Variants in ATXN7L1 observed in about 807,000 individuals in gnomAD.
The protein encoded by ATXN7L1 is ataxin 7 like 1, also known as ataxin-7-like protein 1.
Under a neutral mutation model 70.8 loss-of-function variants are expected in ATXN7L1, and 15 were observed. The ratio of observed to expected loss-of-function variants is 0.21; its 90% CI spans 0.14 to 0.33. ATXN7L1 has a LOEUF of 0.33. ATXN7L1 is among the 10% of genes least tolerant of loss of function. ATXN7L1 has a pLI of 1.00. For missense variants in ATXN7L1, 975 were observed against 1,097.1 expected (o/e 0.89, Z 1.57); for synonymous variants, 440 against 445.1 (o/e 0.99, Z 0.14).
At chr7:105,731,966 G>A (rs183611262) in intron 3 of ATXN7L1, among the ~76,000 whole-genome samples, 5 of 151,762 alleles carry the variant, frequency 3.3e-5, no homozygotes, top group Non-Finnish European at 5.9e-5. Context: ...GGTAGCGGGC[G>A]CCTGTAATCC....
intron 2 of ATXN7L1, among the ~76,000 whole-genome samples, chr7:105,825,393 T>C (rs557058263): frequency 8.6e-5 from 13 of 151,556 alleles, no homozygotes; most frequent in Non-Finnish European, 1.2e-4. Flanking sequence ...CTCCAGAAAA[T>C]ACAGGGGAAT....
At chr7:105,647,411 G>A (rs1381360421) in intron 4 of ATXN7L1, among the ~76,000 whole-genome samples, 1 of 152,222 alleles carries the variant, frequency 6.6e-6, no homozygotes, top group Non-Finnish European at 1.5e-5. Flanking sequence ...ACTTTGGGAG[G>A]CTGAGGCGAG....
chr7:105,692,407 T>TTCCTTCCTTCCTTCCCTCCCTCCC (rs761431797), intron 3 of ATXN7L1, among the ~76,000 whole-genome samples: 5 of 82,258 alleles, frequency 6.1e-5, no homozygotes, highest in African/African-American at 2.2e-4. Context: ...CCTTCCTTCC[T>TTCCTTCCTTCCTTCCCTCCCTCCC]TCCTTCCTTC....
intron 3 of ATXN7L1, among the ~76,000 whole-genome samples, chr7:105,753,950 G>A (rs1799485871): frequency 6.6e-6 from 1 of 151,796 alleles, no homozygotes; most frequent in African/African-American, 2.4e-5. Flanking sequence ...CCAAAGTTCT[G>A]AGATCTAGTT....
chr7:105,820,043 T>G, intron 2 of ATXN7L1: 1 of 403,472 alleles, frequency 2.5e-6, no homozygotes, highest in East Asian at 6.4e-5. Flanking sequence ...GAAAAGAACG[T>G]GGAGAAGAAA....
chr7:105,614,554 T>C lies in ATXN7L1; in HGVS notation c.1780A>G (p.Met594Val), dbSNP rs771663005. The change falls in exon 10 of 12, where the codon ATG becomes GTG. Residue 594 changes from methionine (M) to valine (V), a missense_variant. Transcript: ENST00000419735. The surrounding 1 kb of genome is among the most constrained non-coding windows in gnomAD (Gnocchi z 4.3). The stretch of plus-strand genomic sequence containing the variant: ...GATGGGGCCTTGAAGGTTGAGTCCA[T>C]GATGCTGAGGGTTGCGGCCACATGA... ...FPHVAATLSIMDSTFKAPSAV... is the reference protein window; with the variant it reads ...FPHVAATLSIVDSTFKAPSAV... The C allele has an allele frequency of 6.5e-6, 10 of 1,546,434 alleles. No individual in the cohort carries two copies. Among genetic ancestry groups the C allele is most frequent in the Non-Finnish European group, 6.1e-6 (7 of 1,143,488 alleles).
At chr7:105,818,776 T>C (rs904890752) in intron 2 of ATXN7L1, among the ~76,000 whole-genome samples, 1 of 152,130 alleles carries the variant, frequency 6.6e-6, no homozygotes, top group Non-Finnish European at 1.5e-5. Flanking sequence ...GGGGAAATCC[T>C]TTACCGAAAA....
chr7:105,824,540 G>GATAAAAAT (rs1449565535), intron 2 of ATXN7L1, among the ~76,000 whole-genome samples: 1 of 151,808 alleles, frequency 6.6e-6, no homozygotes, highest in Non-Finnish European at 1.5e-5. Context: ...AAATATGATA[G>GATAAAAAT]GTGACATAAA....
At position 105,614,459 on chromosome 7, in the gene ATXN7L1, T is replaced by C; in HGVS notation, c.1875A>G (p.Lys625=). 6.5e-7 allele frequency: 1 copy of C among 1,539,022 alleles called. No homozygotes were observed. Residue 625 remains lysine, a synonymous_variant, in exon 10 of 12, where the codon AAA becomes AAG. Coordinates refer to ENST00000419735, the MANE Select transcript of ATXN7L1 (RefSeq NM_020725.2). This position sits in a 1 kb window ranked among gnomAD's most constrained non-coding sequence, Gnocchi z 4.3. ...TGGACAGGTCTTTGACTTTTGAGGATTTGCTGGTTTTGGTTTTGGATGGCT... is the reference window on the plus strand; with the variant it reads ...TGGACAGGTCTTTGACTTTTGAGGACTTGCTGGTTTTGGTTTTGGATGGCT... ...SHKPSKTKTS[K]SSKVKDLSTR...
At chr7:105,803,733 G>C (rs1807158505) in intron 2 of ATXN7L1, among the ~76,000 whole-genome samples, 1 of 152,166 alleles carries the variant, frequency 6.6e-6, no homozygotes, top group African/African-American at 2.4e-5. Flanking sequence ...AGGTAACTTT[G>C]ATGTAGCTGT....
intron 3 of ATXN7L1, among the ~76,000 whole-genome samples, chr7:105,772,495 G>A (rs1263340950): frequency 6.6e-6 from 1 of 152,142 alleles, no homozygotes; most frequent in East Asian, 1.9e-4. Context: ...AATACATATT[G>A]ACCCAAAGAA....
intron 2 of ATXN7L1, among the ~76,000 whole-genome samples, chr7:105,840,453 G>C (rs1336972877): frequency 1.3e-5 from 2 of 152,166 alleles, no homozygotes; most frequent in East Asian, 1.9e-4. Flanking sequence ...GGGCCAAAAA[G>C]CCTGGCGCCT....
intron 8 of ATXN7L1, 134 bp from the exon 9 acceptor site, chr7:105,620,455 A>C: frequency 2.2e-6 from 2 of 901,884 alleles, no homozygotes; most frequent in Non-Finnish European, 3.2e-6. Flanking sequence ...TACTGAAGCC[A>C]AAAATACTTC....
intron 3 of ATXN7L1, among the ~76,000 whole-genome samples, chr7:105,667,837 G>A (rs376833857): frequency 3.9e-5 from 6 of 151,938 alleles, no homozygotes; most frequent in African/African-American, 1.5e-4. Context: ...CAAGTCTATC[G>A]ACTTTCTGCC....
At chr7:105,712,028 T>G (rs1038670505) in intron 3 of ATXN7L1, among the ~76,000 whole-genome samples, 1 of 152,366 alleles carries the variant, frequency 6.6e-6, no homozygotes, top group Non-Finnish European at 1.5e-5. Flanking sequence ...CCCAACGTCA[T>G]GTGGAAGCTG....
chr7:105,726,505 C>T (rs1229229236), intron 3 of ATXN7L1, among the ~76,000 whole-genome samples: 4 of 152,264 alleles, frequency 2.6e-5, no homozygotes, highest in South Asian at 2.1e-4. Context: ...AGGAAAGCAG[C>T]GCTGTCACCT....
intron 3 of ATXN7L1, among the ~76,000 whole-genome samples, chr7:105,727,794 A>C (rs1249925275): frequency 7.9e-6 from 1 of 127,192 alleles, no homozygotes; most frequent in Non-Finnish European, 1.7e-5. Context: ...ACATACACAC[A>C]TATATATATG....
intron 3 of ATXN7L1, among the ~76,000 whole-genome samples, chr7:105,725,208 G>T (rs936900531): frequency 3.9e-5 from 6 of 152,170 alleles, no homozygotes; most frequent in Non-Finnish European, 7.4e-5. Flanking sequence ...CAAAGCTAAA[G>T]AGAGAAGAAA....
At chr7:105,752,332 C>G (rs1271232641) in intron 3 of ATXN7L1, among the ~76,000 whole-genome samples, 1 of 152,218 alleles carries the variant, frequency 6.6e-6, no homozygotes, top group Non-Finnish European at 1.5e-5. Flanking sequence ...GAAGGTGGAA[C>G]AGTTGCAGGC....
Sources: allele counts gnomAD v4.1 joint callset (sites outside exome capture counted in the v4.1 genomes callset), GRCh38; gene constraint gnomAD v4.1.1; non-coding constraint Gnocchi (gnomAD v3.1); transcripts MANE v1.5; gene names NCBI Gene and HGNC (gene_info 2026-07-23, HGNC 2026-07-21).